NRXN3: variants seen among roughly 807,000 people sequenced by gnomAD.
NRXN3 encodes the protein neurexin 3, also known as neurexin III.
A neutral mutation model predicts 137.6 loss-of-function variants in NRXN3; 32 were observed. That is an observed-to-expected ratio of 0.23 (90% CI 0.18 to 0.31). The LOEUF (loss-of-function observed/expected upper bound fraction) is 0.31. Among genes scored for constraint, NRXN3 ranks in the 10% least tolerant of loss-of-function variants. NRXN3 has a pLI of 1.00. For synonymous variants in NRXN3, 798 were observed against 784.5 expected (o/e 1.02, Z -0.29); for missense variants, 1,574 against 2,062.5 (o/e 0.76, Z 4.59).
chr14:79,003,333 A>G (rs2099545608), intron 15 of NRXN3, among the ~76,000 whole-genome samples: 1 of 152,240 alleles, frequency 6.6e-6, no homozygotes, highest in Admixed American at 6.5e-5. Context: ...AATGACCAGA[A>G]CTTTCAATAC....
At chr14:79,311,089 T>G (rs1420961737) in intron 15 of NRXN3, among the ~76,000 whole-genome samples, 3 of 86,952 alleles carry the variant, frequency 3.5e-5, no homozygotes, top group African/African-American at 1.8e-4. Context: ...ATAGCTCTTA[T>G]TATTTTGAAA....
At chr14:79,068,732 T>A (rs2099683781) in intron 15 of NRXN3, among the ~76,000 whole-genome samples, 1 of 152,112 alleles carries the variant, frequency 6.6e-6, no homozygotes, top group African/African-American at 2.4e-5. Context: ...GAGGAAAGAA[T>A]GGCACAACTC....
At chr14:79,543,588 T>C (rs896043368) in intron 16 of NRXN3, among the ~76,000 whole-genome samples, 2 of 152,170 alleles carry the variant, frequency 1.3e-5, no homozygotes, top group African/African-American at 4.8e-5. Flanking sequence ...GAGAGTCGGC[T>C]GTATTTGGCA....
chr14:79,094,590 G>A (rs2049886080), intron 15 of NRXN3, among the ~76,000 whole-genome samples: 1 of 152,096 alleles, frequency 6.6e-6, no homozygotes, highest in Non-Finnish European at 1.5e-5. Flanking sequence ...ACAGTTCTAA[G>A]GGATTAGTAT....
At chr14:79,374,556 T>C (rs1466559916) in intron 15 of NRXN3, among the ~76,000 whole-genome samples, 1 of 151,982 alleles carries the variant, frequency 6.6e-6, no homozygotes, top group Non-Finnish European at 1.5e-5. Context: ...TACTTTCCAA[T>C]CTGACTCTGG....
intron 2 of NRXN3, among the ~76,000 whole-genome samples, chr14:78,272,656 C>T (rs2072971253): frequency 6.6e-6 from 1 of 152,204 alleles, no homozygotes. Flanking sequence ...CCAATATTCT[C>T]ATACCTAATT....
chr14:79,001,431 A>T (rs2099541157), intron 15 of NRXN3, among the ~76,000 whole-genome samples: 1 of 152,170 alleles, frequency 6.6e-6, no homozygotes, highest in Non-Finnish European at 1.5e-5. Flanking sequence ...CTGTCCCTCG[A>T]ACCACATTTT....
rs144891161 is a variant in NRXN3 at position 78,196,058 on chromosome 14, G to A, written c.-704+25384G>A. On this transcript the variant is annotated intron_variant, in intron 1 of 20. Transcript: ENST00000335750. ...CACCACAACATAGGATGATAGATTC[G>A]TTTCCCATGGGCCAAGGAATATTTC... Among the ~76,000 whole-genome samples the A allele has an allele frequency of 5.8e-3, 878 of 152,310 alleles. 25 individuals are homozygous for A. The highest frequency in any genetic ancestry group is 2.3e-3 in the Non-Finnish European group (155 of 68,022).
chr14:79,131,922 G>A (rs908781434), intron 15 of NRXN3, among the ~76,000 whole-genome samples: 1 of 152,246 alleles, frequency 6.6e-6, no homozygotes, highest in Non-Finnish European at 1.5e-5. Flanking sequence ...CAGTATTCGG[G>A]TGGGAGTGAC....
intron 15 of NRXN3, among the ~76,000 whole-genome samples, chr14:79,332,187 G>A (rs1452256590): frequency 1.3e-5 from 2 of 152,112 alleles, no homozygotes; most frequent in African/African-American, 2.4e-5. Flanking sequence ...TTAAAATGCC[G>A]TTACTTGTAA....
chr14:79,273,748 T>C (rs2079798960), intron 15 of NRXN3, among the ~76,000 whole-genome samples: 1 of 151,948 alleles, frequency 6.6e-6, no homozygotes, highest in Non-Finnish European at 1.5e-5. Flanking sequence ...ACAAACCTAT[T>C]AGATAGATGG....
At chr14:78,982,545 G>T (rs932837062) in intron 14 of NRXN3, among the ~76,000 whole-genome samples, 5 of 152,114 alleles carry the variant, frequency 3.3e-5, no homozygotes, top group African/African-American at 1.2e-4. Context: ...ATGCAATGGA[G>T]AAAGGATGGT....
rs1426852476 is a variant in NRXN3 at position 79,641,152 on chromosome 14, C to T, written c.3445-22626C>T. Among the ~76,000 whole-genome samples the T allele has an allele frequency of 4.5e-5, 6 of 133,414 alleles. 2 individuals carry two copies. Among genetic ancestry groups the T allele is most frequent in the Non-Finnish European group, 1.0e-4 (6 of 57,404 alleles). The allele number at this position is 133,414 out of a possible 152,430, so 87.5% of individuals were successfully genotyped here. On this transcript the variant is annotated intron_variant, in intron 16 of 20. Transcript: ENST00000335750. ...CCTCCTGAGTAACTGGGATTACAGGCGCACAGCACCTCGCCTGGCTAATTC... is the reference window on the plus strand; with the variant it reads ...CCTCCTGAGTAACTGGGATTACAGGTGCACAGCACCTCGCCTGGCTAATTC...
chr14:79,736,594 A>G (rs546719239), intron 19 of NRXN3, among the ~76,000 whole-genome samples: 13 of 152,278 alleles, frequency 8.5e-5, no homozygotes, highest in African/African-American at 3.1e-4. Context: ...CCGGCAATTC[A>G]AAGGAATGAG....
At chr14:78,636,126 T>C (rs1416817760) in intron 4 of NRXN3, among the ~76,000 whole-genome samples, 1 of 152,174 alleles carries the variant, frequency 6.6e-6, no homozygotes, top group Non-Finnish European at 1.5e-5. Context: ...TCTGAACTGA[T>C]TGTGTAATAG....
intron 15 of NRXN3, among the ~76,000 whole-genome samples, chr14:79,356,676 C>A (rs570476189): frequency 6.6e-6 from 1 of 152,218 alleles, no homozygotes; most frequent in African/African-American, 2.4e-5. Flanking sequence ...CTTCACCTCC[C>A]GCCCCACTGC....
chr14:79,483,784 G>T (rs74068695), intron 16 of NRXN3, among the ~76,000 whole-genome samples: 8 of 151,808 alleles, frequency 5.3e-5, no homozygotes, highest in African/African-American at 1.5e-4. Flanking sequence ...TGTGTGTGTG[G>T]GTGGGTGTGT....
chr14:79,829,843 C>T (rs938079525), intron 20 of NRXN3, among the ~76,000 whole-genome samples: 2 of 152,112 alleles, frequency 1.3e-5, no homozygotes, highest in African/African-American at 4.8e-5. Context: ...AAGGTGCCTG[C>T]CTATCCAAAG....
intron 10 of NRXN3, among the ~76,000 whole-genome samples, chr14:78,919,651 T>C (rs2099265728): frequency 6.6e-6 from 1 of 152,214 alleles, no homozygotes; most frequent in Non-Finnish European, 1.5e-5. Flanking sequence ...ATGGAGATTT[T>C]CTAATGCATG....
Sources: gnomAD v4.1 joint callset for allele counts (sites outside exome capture counted in the v4.1 genomes callset) on GRCh38, gnomAD v4.1.1 for gene constraint, MANE v1.5 for transcripts, NCBI Gene and HGNC (gene_info 2026-07-23, HGNC 2026-07-21) for gene names.